The following GUCY1A2 variants were observed in gnomAD, a reference collection of about 807,000 sequenced individuals.
The protein encoded by GUCY1A2 is guanylate cyclase 1 soluble subunit alpha 2.
In GUCY1A2, 27 loss-of-function variants were observed where a neutral mutation model predicts 63.5. The observed-to-expected ratio is 0.43, with a 90% CI of 0.31 to 0.59. The LOEUF (loss-of-function observed/expected upper bound fraction) is 0.59, where lower values mean the gene tolerates loss of function less well. GUCY1A2 is among the 20% of genes least tolerant of loss of function. The pLI is 0.11. For missense variants in GUCY1A2, 768 were observed against 913.3 expected (o/e 0.84, Z 2.05); for synonymous variants, 364 against 343.5 (o/e 1.06, Z -0.66).
intron 6 of GUCY1A2, among the ~76,000 whole-genome samples, chr11:106,709,392 T>C (rs1323355659): frequency 2.0e-5 from 2 of 99,460 alleles, no homozygotes; most frequent in African/African-American, 4.2e-5. Flanking sequence ...TTATATATTA[T>C]ATAAATTATA....
intron 4 of GUCY1A2, among the ~76,000 whole-genome samples, chr11:106,873,591 C>A (rs1859710239): frequency 6.6e-6 from 1 of 151,956 alleles, no homozygotes; most frequent in Non-Finnish European, 1.5e-5. Context: ...ATGTTCATAT[C>A]CTTTGCCCAC....
chr11:106,837,909 G>T (rs767118910), intron 4 of GUCY1A2, among the ~76,000 whole-genome samples: 3 of 151,806 alleles, frequency 2.0e-5, no homozygotes, highest in Non-Finnish European at 4.4e-5. Context: ...TTTTCCATTT[G>T]CAGAACATGC....
At chr11:106,842,017 G>A (rs1428100301) in intron 4 of GUCY1A2, among the ~76,000 whole-genome samples, 1 of 151,822 alleles carries the variant, frequency 6.6e-6, no homozygotes, top group African/African-American at 2.4e-5. Flanking sequence ...CTGCACTCTA[G>A]TTTCCAGTTG....
At chr11:106,986,250 C>T in intron 1 of GUCY1A2, 119 bp from the exon 2 acceptor site, 1 of 611,836 alleles carries the variant, frequency 1.6e-6, no homozygotes, top group South Asian at 2.1e-5. Flanking sequence ...TTTCCTTCTA[C>T]AGTATTAACC....
chr11:106,861,768 G>A (rs1364134549), intron 4 of GUCY1A2, among the ~76,000 whole-genome samples: 1 of 151,730 alleles, frequency 6.6e-6, no homozygotes, highest in East Asian at 1.9e-4. Context: ...AATCAAATAT[G>A]GGGAAATTAC....
intron 4 of GUCY1A2, among the ~76,000 whole-genome samples, chr11:106,825,840 G>A (rs1205132037): frequency 3.3e-5 from 5 of 152,192 alleles, no homozygotes; most frequent in Non-Finnish European, 7.3e-5. Context: ...AAGCTGTCCT[G>A]GGCTGCATTC....
chr11:106,781,279 G>A (rs1042221358), intron 5 of GUCY1A2, among the ~76,000 whole-genome samples: 9 of 152,100 alleles, frequency 5.9e-5, no homozygotes, highest in Admixed American at 1.3e-4. Context: ...AATGGCACTG[G>A]GTAAGAATAA....
At chr11:106,812,454 T>G (rs1178058740) in intron 4 of GUCY1A2, among the ~76,000 whole-genome samples, 1 of 151,774 alleles carries the variant, frequency 6.6e-6, no homozygotes, top group Non-Finnish European at 1.5e-5. Context: ...TCTTCATCGC[T>G]TGGACTCTAC....
chr11:106,996,282 A>G (rs1240115661), intron 1 of GUCY1A2, among the ~76,000 whole-genome samples: 3 of 152,214 alleles, frequency 2.0e-5, no homozygotes, highest in Admixed American at 6.5e-5. Context: ...ATGAAACATT[A>G]TATCTAATAC....
In GUCY1A2 at chr11:106,722,346, T is replaced by C. The variant is rs539337927; in HGVS notation, c.1837-13680A>G. Among the ~76,000 whole-genome samples, 13 of 152,008 alleles carry C rather than the reference T, an allele frequency of 8.6e-5. 1 individual carries two copies. Among genetic ancestry groups the C allele is most frequent in the Admixed American group, 7.9e-4 (12 of 15,254 alleles). On this transcript the variant is annotated intron_variant, in intron 6 of 7. Coordinates refer to ENST00000526355, the MANE Select transcript of GUCY1A2 (RefSeq NM_000855.3). ...TCAGACTAGACTTTCTAAAATTGTA[T>C]GTTGAGATCCTCCCAAATTTAGCTA...
chr11:106,747,168 T>C (rs1863804065), intron 6 of GUCY1A2, among the ~76,000 whole-genome samples: 1 of 152,112 alleles, frequency 6.6e-6, no homozygotes, highest in African/African-American at 2.4e-5. Flanking sequence ...TTTTGTATTT[T>C]TAGTAGAGAT....
intron 5 of GUCY1A2, among the ~76,000 whole-genome samples, chr11:106,807,877 A>C (rs1858713038): frequency 6.6e-6 from 1 of 151,846 alleles, no homozygotes; most frequent in Non-Finnish European, 1.5e-5. Flanking sequence ...ATTGGACTCC[A>C]AGTTCTTTAG....
chr11:106,779,712 T>C (rs1158193791), intron 5 of GUCY1A2, among the ~76,000 whole-genome samples: 1 of 152,144 alleles, frequency 6.6e-6, no homozygotes, highest in East Asian at 1.9e-4. Context: ...TGCACAAGAA[T>C]ACATGGAGAT....
intron 6 of GUCY1A2, among the ~76,000 whole-genome samples, chr11:106,725,548 A>C (rs1280048402): frequency 6.6e-6 from 1 of 152,124 alleles, no homozygotes; most frequent in Non-Finnish European, 1.5e-5. Flanking sequence ...AAATAGTTCA[A>C]TTTAAAAATA....
At chr11:106,936,269 A>G (rs1860676019) in intron 4 of GUCY1A2, among the ~76,000 whole-genome samples, 2 of 152,222 alleles carry the variant, frequency 1.3e-5, no homozygotes, top group African/African-American at 4.8e-5. Flanking sequence ...ATTTACCACA[A>G]TGTCTTGTAA....
rs61905175 is a variant in GUCY1A2, at chr11:106,718,012, G to A, written c.1837-9346C>T. On this transcript the variant is annotated intron_variant, in intron 6 of 7. Transcript: ENST00000526355. ...TCCCAGATGTGCAAGGAAACAGGGT[G>A]AAATAATTTCTGTGGCTATGTGGCA... Among the ~76,000 whole-genome samples, 856 of 152,284 alleles carry A rather than the reference G, an allele frequency of 5.6e-3. 3 individuals carry two copies. The highest frequency in any genetic ancestry group is 7.7e-3 in the Non-Finnish European group (525 of 68,014).
chr11:106,782,177 T>A (rs985468423), intron 5 of GUCY1A2, among the ~76,000 whole-genome samples: 2 of 152,156 alleles, frequency 1.3e-5, no homozygotes, highest in East Asian at 3.9e-4. Flanking sequence ...CCTCTTTGAA[T>A]TTTCTATGGG....
At chr11:106,785,290 A>C (rs1477907832) in intron 5 of GUCY1A2, among the ~76,000 whole-genome samples, 2 of 152,154 alleles carry the variant, frequency 1.3e-5, no homozygotes, top group Non-Finnish European at 2.9e-5. Flanking sequence ...CGACTTTTTC[A>C]GGGCACATCC....
At chr11:106,802,748 A>C (rs956681445) in intron 5 of GUCY1A2, among the ~76,000 whole-genome samples, 17 of 152,162 alleles carry the variant, frequency 1.1e-4, no homozygotes, top group African/African-American at 4.1e-4. Flanking sequence ...TCAAAGAGGA[A>C]AGAAAGCAAG....
Sources: allele counts gnomAD v4.1 joint callset (sites outside exome capture counted in the v4.1 genomes callset), GRCh38; gene constraint gnomAD v4.1.1; transcripts MANE v1.5; gene names NCBI Gene and HGNC (gene_info 2026-07-23, HGNC 2026-07-21).